The following USH2A variants were observed in gnomAD, a reference collection of about 807,000 sequenced individuals.
USH2A encodes the protein usherin, also known as Usher syndrome 2A (autosomal recessive, mild).
In USH2A, 443 loss-of-function variants were observed where a neutral mutation model predicts 538.9. The observed-to-expected ratio is 0.82, with a 90% confidence interval of 0.76 to 0.89. The LOEUF (loss-of-function observed/expected upper bound fraction) is 0.89, where lower values mean the gene tolerates loss of function less well. Ranked by LOEUF, USH2A falls within the 40% of genes least tolerant of loss-of-function variation. The probability of loss-of-function intolerance (pLI) is 0.00; values close to 1 mark genes in which losing one functional copy is unlikely to be tolerated. For missense variants in USH2A, 6,633 were observed against 6,324.8 expected, an observed-to-expected ratio of 1.05 and a Z score of -1.65; for synonymous variants, 2,413 against 2,273.5, an observed-to-expected ratio of 1.06 and a Z score of -1.75.
In USH2A at chr1:215,722,800, G is replaced by C. The variant is rs887268063; in HGVS notation, c.12066+5230C>G. Among the ~76,000 whole-genome samples, 16 of 152,216 alleles carry C rather than the reference G, an allele frequency of 1.1e-4. No homozygotes were observed. In the South Asian group the frequency reaches 1.4e-3, roughly 14 times the overall value. On this transcript the variant is annotated intron_variant, in intron 61 of 71. Coordinates refer to ENST00000307340, the MANE Select transcript of USH2A (RefSeq NM_206933.4). ...CTGGGCAAATGCATGATCTGGGCTT[G>C]ACGTTTTATAACCCCGTGGAACAAG...
In USH2A at chr1:215,993,275, C is replaced by T. The variant is rs893785185; in HGVS notation, c.6658-108G>A. ...GAGTTTCAGATTTTGTTATATAGTGCTACCTTTACTTCCCCAAAATAAATT... is the reference window on the plus strand; with the variant it reads ...GAGTTTCAGATTTTGTTATATAGTGTTACCTTTACTTCCCCAAAATAAATT... On this transcript the variant is annotated intron_variant, in intron 34 of 71. Coordinates refer to ENST00000307340, the MANE Select transcript of USH2A (RefSeq NM_206933.4). 6.7e-6 allele frequency: 10 copies of T among 1,495,818 alleles called. No individual in the cohort carries two copies. In the African/African-American group the frequency reaches 1.1e-4, roughly 17 times the overall value. The allele number at this position is 1,495,818 out of a possible 1,614,324, so 92.7% of individuals were successfully genotyped here.
intron 9 of USH2A, among the ~76,000 whole-genome samples, chr1:216,316,195 T>C (rs904507721): frequency 7.2e-5 from 11 of 152,110 alleles, no homozygotes; most frequent in African/African-American, 2.6e-4. Context: ...AAAAATGTAA[T>C]TAAAAAAAAA....
At chr1:216,249,879 A>T (rs12067103) in intron 12 of USH2A, among the ~76,000 whole-genome samples, 4,172 of 147,096 alleles carry the variant, frequency 0.028, 180 homozygotes, top group African/African-American at 0.096. Flanking sequence ...TGTGTGTGTG[A>T]GAGAGAGAGA....
intron 64 of USH2A, among the ~76,000 whole-genome samples, chr1:215,669,891 T>C (rs1048352023): frequency 2.6e-5 from 4 of 152,228 alleles, no homozygotes; most frequent in African/African-American, 9.6e-5. Context: ...TGGTGACTTA[T>C]TATTTTTAGT....
At chr1:215,989,438 A>G (rs958702920) in intron 35 of USH2A, among the ~76,000 whole-genome samples, 2 of 152,170 alleles carry the variant, frequency 1.3e-5, no homozygotes, top group East Asian at 3.9e-4. Flanking sequence ...GAATTCATTT[A>G]TATGGATATT....
At chr1:216,006,453 C>T (rs570440834) in intron 32 of USH2A, among the ~76,000 whole-genome samples, 2 of 152,246 alleles carry the variant, frequency 1.3e-5, no homozygotes, top group South Asian at 4.1e-4. Context: ...CTTCACATCC[C>T]CAGTCCTCTT....
chr1:215,821,368 C>A (rs1430232898), intron 47 of USH2A, among the ~76,000 whole-genome samples: 1 of 151,660 alleles, frequency 6.6e-6, no homozygotes, highest in Admixed American at 6.6e-5. Flanking sequence ...TTTTCATATA[C>A]CTGTTGGCCA....
chr1:216,254,550 T>A (rs1436708735), intron 11 of USH2A, among the ~76,000 whole-genome samples: 1 of 152,224 alleles, frequency 6.6e-6, no homozygotes, highest in Non-Finnish European at 1.5e-5. Flanking sequence ...TTAAAATGCC[T>A]GCAAATTTAG....
At chr1:215,703,409 C>G (rs1208518178) in intron 61 of USH2A, among the ~76,000 whole-genome samples, 1 of 152,176 alleles carries the variant, frequency 6.6e-6, no homozygotes, top group Non-Finnish European at 1.5e-5. Flanking sequence ...GAAGTTGCAC[C>G]CACAGCCAGC....
intron 21 of USH2A, among the ~76,000 whole-genome samples, chr1:216,168,276 A>AT (rs571060140): frequency 7.2e-5 from 11 of 152,106 alleles, no homozygotes; most frequent in Admixed American, 2.6e-4. Flanking sequence ...AAGCAACAGC[A>AT]TTTTTTTTAA....
chr1:215,781,696 G>A (rs4387153), intron 54 of USH2A, among the ~76,000 whole-genome samples: 18,243 of 152,054 alleles, frequency 0.12, 1,504 homozygotes, highest in Non-Finnish European at 0.17. Flanking sequence ...TATTTAAATA[G>A]AAACTTTCTT....
At chr1:216,357,063 T>C (rs1472020259) in intron 4 of USH2A, among the ~76,000 whole-genome samples, 2 of 152,138 alleles carry the variant, frequency 1.3e-5, no homozygotes, top group African/African-American at 2.4e-5. Context: ...AGGTCCTTAA[T>C]ATGCTAGAAT....
intron 44 of USH2A, among the ~76,000 whole-genome samples, chr1:215,848,514 G>A (rs1663925770): frequency 6.6e-6 from 1 of 152,176 alleles, no homozygotes; most frequent in African/African-American, 2.4e-5. Context: ...ATGTCTGGAT[G>A]AGACCCCATT....
chr1:216,367,861 T>G (rs1404335082), intron 3 of USH2A, among the ~76,000 whole-genome samples: 1 of 152,194 alleles, frequency 6.6e-6, no homozygotes, highest in South Asian at 2.1e-4. Flanking sequence ...GCCAGTTATT[T>G]AAGGGAATAC....
At chr1:215,981,121 G>C (rs186820956) in intron 35 of USH2A, among the ~76,000 whole-genome samples, 45 of 152,172 alleles carry the variant, frequency 3.0e-4, no homozygotes, top group African/African-American at 1.1e-3. Context: ...ATTTTTGCCA[G>C]TATTAGATGT....
chr1:216,256,321 CTTTTTT>C (rs201852377), intron 11 of USH2A, among the ~76,000 whole-genome samples: 1 of 125,538 alleles, frequency 8.0e-6, no homozygotes, highest in Non-Finnish European at 1.7e-5. Flanking sequence ...TTCTTTTTTC[CTTTTTT>C]TTTTTTTTGC....
chr1:215,932,297 C>T (rs961099984), intron 38 of USH2A, among the ~76,000 whole-genome samples: 5 of 152,094 alleles, frequency 3.3e-5, no homozygotes, highest in Admixed American at 6.6e-5. Context: ...ATTTATTATT[C>T]ATTTCAGAAT....
At chr1:216,332,633 A>G (rs1264293730) in intron 4 of USH2A, among the ~76,000 whole-genome samples, 4 of 152,124 alleles carry the variant, frequency 2.6e-5, no homozygotes, top group Non-Finnish European at 4.4e-5. Flanking sequence ...GCATTCTGCA[A>G]CATGCGTACA....
chr1:216,133,765 G>C (rs2033425856), intron 21 of USH2A, among the ~76,000 whole-genome samples: 2 of 152,056 alleles, frequency 1.3e-5, no homozygotes, highest in African/African-American at 4.8e-5. Flanking sequence ...TGCTTTCCAG[G>C]CTTTGTGTTG....
Sources: allele counts gnomAD v4.1 joint callset (sites outside exome capture counted in the v4.1 genomes callset), GRCh38; gene constraint gnomAD v4.1.1; transcripts MANE v1.5; gene names NCBI Gene and HGNC (gene_info 2026-07-23, HGNC 2026-07-21).